The following HS1BP3 variants were observed in gnomAD, a reference collection of about 807,000 sequenced individuals.
The protein encoded by HS1BP3 is HCLS1-binding protein 3.
In HS1BP3, 32 loss-of-function variants were observed where a neutral mutation model predicts 33.5. The observed-to-expected ratio is 0.95, with a 90% CI of 0.72 to 1.28. The LOEUF (loss-of-function observed/expected upper bound fraction) is 1.28. Ranked by LOEUF, HS1BP3 falls within the 50% of genes most tolerant of loss-of-function variation. HS1BP3 has a pLI of 0.00. For missense variants in HS1BP3, 486 were observed against 502.3 expected (o/e 0.97, Z 0.31); for synonymous variants, 187 against 209.2 (o/e 0.89, Z 0.92).
downstream of HS1BP3, among the ~76,000 whole-genome samples, chr2:20,556,151 T>G (rs551554749): frequency 6.6e-6 from 1 of 152,370 alleles, no homozygotes; most frequent in East Asian, 1.9e-4. Context: ...CTTAGATCTT[T>G]ATTTCACAGT....
intron 4 of HS1BP3, among the ~76,000 whole-genome samples, chr2:20,627,626 C>G (rs1694827477): frequency 6.6e-6 from 1 of 152,164 alleles, no homozygotes; most frequent in Non-Finnish European, 1.5e-5. Context: ...TTGTCCTGAA[C>G]TGAAATAAAG....
Position 20,641,090 on chromosome 2 carries a change from C to A in HS1BP3, c.289G>T (p.Val97Phe), listed in dbSNP as rs144812348. ...AASLPPLPRKVLFVGESDIRE... is the reference protein window; with the variant it reads ...AASLPPLPRKFLFVGESDIRE... ...ATGTCAGACTCCCCAACAAACAGGA[C>A]CTTCCTGGGTAGTGGGGGGAGGCTG... Residue 97 changes from valine (V) to phenylalanine (F), a missense_variant, in exon 3 of 7, where the codon GTC (valine) becomes TTC (phenylalanine). By Grantham distance (50) the Val-to-Phe change is conservative. Transcript: ENST00000304031. 3 of 1,613,848 alleles carry A rather than the reference C, an allele frequency of 1.9e-6. No homozygotes were observed. The African/African-American group carries it at 4.0e-5, about 22-fold the overall frequency.
chr2:20,639,012 G>C (rs547243066), intron 3 of HS1BP3, among the ~76,000 whole-genome samples: 1 of 152,226 alleles, frequency 6.6e-6, no homozygotes, highest in South Asian at 2.1e-4. Flanking sequence ...CCCTCCTCCC[G>C]GGTGAGCGGT....
At chr2:20,581,053 C>T (rs556715009) in intron 5 of HS1BP3, among the ~76,000 whole-genome samples, 26 of 152,314 alleles carry the variant, frequency 1.7e-4, no homozygotes, top group South Asian at 1.4e-3. Flanking sequence ...GGCTGTCTTC[C>T]GCAAAAGTTG....
intron 5 of HS1BP3, among the ~76,000 whole-genome samples, chr2:20,561,190 G>C (rs182769453): frequency 2.6e-4 from 40 of 152,256 alleles, no homozygotes; most frequent in African/African-American, 8.4e-4. Flanking sequence ...CCACTCCTTG[G>C]GGATGCTCCC....
intron 2 of HS1BP3, among the ~76,000 whole-genome samples, chr2:20,644,487 A>T (rs931244636): frequency 7.2e-5 from 11 of 152,168 alleles, no homozygotes; most frequent in African/African-American, 2.7e-4. Context: ...TCATGTATCC[A>T]TCCACAGGGC....
intron 4 of HS1BP3, among the ~76,000 whole-genome samples, chr2:20,625,959 T>C (rs1191619680): frequency 6.6e-6 from 1 of 152,206 alleles, no homozygotes. Flanking sequence ...CTATTAGCCA[T>C]TTTAAGGTTC....
At chr2:20,622,088 TTCTTAGCCTCGACCC>T in intron 6 of HS1BP3, 1 of 841,674 alleles carries the variant, frequency 1.2e-6, no homozygotes, top group Non-Finnish European at 1.6e-6. Context: ...GAACAAAGCC[TTCTTAGCCTCGACCC>T]GCTCAGTGTA....
downstream of HS1BP3, among the ~76,000 whole-genome samples, chr2:20,616,076 C>T (rs1399065738): frequency 2.6e-5 from 4 of 152,214 alleles, no homozygotes; most frequent in Admixed American, 6.5e-5. Flanking sequence ...TACATCCTGT[C>T]CATGGGCTCA....
intron 1 of HS1BP3, among the ~76,000 whole-genome samples, chr2:20,649,058 T>G (rs947758783): frequency 6.6e-6 from 1 of 152,250 alleles, no homozygotes; most frequent in Non-Finnish European, 1.5e-5. Flanking sequence ...CCTACAAGCC[T>G]GTCCTGAATG....
At chr2:20,629,615 C>T (rs1694906733) in intron 4 of HS1BP3, among the ~76,000 whole-genome samples, 1 of 152,220 alleles carries the variant, frequency 6.6e-6, no homozygotes, top group Non-Finnish European at 1.5e-5. Context: ...GCCATGAGGG[C>T]CACCAAAACA....
chr2:20,632,855 TAA>T (rs1401473781), intron 4 of HS1BP3, among the ~76,000 whole-genome samples: 1 of 151,990 alleles, frequency 6.6e-6, no homozygotes, highest in East Asian at 1.9e-4. Context: ...TGGAGGGAGG[TAA>T]AGTCATAGTG....
At chr2:20,646,376 G>A (rs997746085) in intron 1 of HS1BP3, among the ~76,000 whole-genome samples, 1 of 152,176 alleles carries the variant, frequency 6.6e-6, no homozygotes, top group Non-Finnish European at 1.5e-5. Flanking sequence ...CTTAACCTGT[G>A]TCTGGGGCAA....
intron 5 of HS1BP3, among the ~76,000 whole-genome samples, chr2:20,576,913 T>C (rs1340292396): frequency 1.3e-5 from 2 of 152,262 alleles, no homozygotes; most frequent in African/African-American, 4.8e-5. Context: ...CATATCCTTT[T>C]GGTCAGTGGC....
At chr2:20,633,837 G>C (rs975097605) in intron 4 of HS1BP3, among the ~76,000 whole-genome samples, 3 of 152,230 alleles carry the variant, frequency 2.0e-5, no homozygotes, top group Non-Finnish European at 4.4e-5. Context: ...CAGTAATCTG[G>C]ATGGGGAAAT....
intron 3 of HS1BP3, among the ~76,000 whole-genome samples, chr2:20,596,670 T>C (rs1417151309): frequency 6.6e-6 from 1 of 152,214 alleles, no homozygotes; most frequent in African/African-American, 2.4e-5. Flanking sequence ...GAATTACTTT[T>C]ATCTCTTCCC....
At chr2:20,641,905 A>C in intron 2 of HS1BP3, among the ~76,000 whole-genome samples, 1 of 151,910 alleles carries the variant, frequency 6.6e-6, no homozygotes, top group East Asian at 1.9e-4. Flanking sequence ...CTGCATGTTC[A>C]CTCTGTACAG....
At chr2:20,641,716 C>T (rs888848974) in intron 2 of HS1BP3, among the ~76,000 whole-genome samples, 2 of 152,320 alleles carry the variant, frequency 1.3e-5, no homozygotes, top group South Asian at 2.1e-4. Context: ...CGCAGGCACC[C>T]GAGTCAAGCA....
chr2:20,575,486 T>G (rs1033695262), intron 5 of HS1BP3, among the ~76,000 whole-genome samples: 1 of 152,250 alleles, frequency 6.6e-6, no homozygotes, highest in Non-Finnish European at 1.5e-5. Flanking sequence ...GGTCTCAACA[T>G]GCAGCCCAGT....
Sources: gnomAD v4.1 joint callset for allele counts (sites outside exome capture counted in the v4.1 genomes callset) on GRCh38, gnomAD v4.1.1 for gene constraint, MANE v1.5 for transcripts, NCBI Gene and HGNC (gene_info 2026-07-23, HGNC 2026-07-21) for gene names.